The following BORA variants were observed in gnomAD, a reference collection of about 807,000 sequenced individuals.
The protein encoded by BORA is BORA aurora kinase A activator, also known as protein aurora borealis.
BORA carries 26 observed loss-of-function variants against 55.8 expected under a neutral mutation model. The observed-to-expected ratio is 0.47, with a 90% CI of 0.34 to 0.65. The LOEUF is 0.65. Among genes scored for constraint, BORA ranks in the 30% least tolerant of loss-of-function variants. The pLI, the probability that BORA is intolerant of heterozygous loss-of-function variation, is 0.01. For missense variants in BORA, 568 were observed against 671.5 expected, an observed-to-expected ratio of 0.85 and a Z score of 1.70; for synonymous variants, 201 against 216.9, an observed-to-expected ratio of 0.93 and a Z score of 0.64.
chr13:72,728,148 GA>G (rs779415008), intron 1 of BORA, 141 bp downstream of exon 1: 10 of 1,196,528 alleles, frequency 8.4e-6, no homozygotes, highest in Non-Finnish European at 1.2e-5. Flanking sequence ...AGGGGCACCA[GA>G]AAGAGTGGCC....
intron 3 of BORA, among the ~76,000 whole-genome samples, chr13:72,733,971 C>T (rs569509077): frequency 8.3e-4 from 126 of 152,218 alleles, no homozygotes; most frequent in African/African-American, 2.7e-3. Flanking sequence ...AACCAAACCC[C>T]TCATGTTCTC....
chr13:72,740,720 ATGAATG>A (rs990572917), intron 5 of BORA, among the ~76,000 whole-genome samples: 4 of 152,308 alleles, frequency 2.6e-5, no homozygotes, highest in Admixed American at 1.3e-4. Flanking sequence ...CAATATGTAA[ATGAATG>A]TGAGTGTGTA....
chr13:72,733,628 G>A (rs1023524609), intron 3 of BORA, among the ~76,000 whole-genome samples: 3 of 152,122 alleles, frequency 2.0e-5, no homozygotes, highest in Non-Finnish European at 4.4e-5. Context: ...AGCTTGTTAT[G>A]TGCTGCCATT....
intron 4 of BORA, among the ~76,000 whole-genome samples, chr13:72,735,635 G>C (rs751932747): frequency 6.6e-6 from 1 of 151,970 alleles, no homozygotes; most frequent in Non-Finnish European, 1.5e-5. Flanking sequence ...TTGAGACGGC[G>C]TTTCGTTCTT....
chr13:72,752,095 A>G (rs1471457953), intron 10 of BORA: 3 of 152,188 alleles, frequency 2.0e-5, no homozygotes, highest in Non-Finnish European at 4.4e-5. Context: ...GTGCATGTTA[A>G]ATGACTGACA....
At chr13:72,750,290 G>A (rs2033239575) in intron 10 of BORA, among the ~76,000 whole-genome samples, 1 of 152,172 alleles carries the variant, frequency 6.6e-6, no homozygotes, top group African/African-American at 2.4e-5. Flanking sequence ...GGGGCTAATG[G>A]ACTAATAAGA....
chr13:72,753,712 A>T lies in BORA; in HGVS notation c.1505A>T (p.Gln502Leu), dbSNP rs1480754751. Residue 502 changes from glutamine to leucine, a missense_variant, in exon 11 of 12, where the codon CAG becomes CTG. Physicochemically the swap from Gln to Leu is moderately radical, Grantham distance 113. Transcript: ENST00000390667. ...CAGATGGATAGTGGCTATAATACGC[A>T]GAATTGTGGAAGCAATATTATGGAT... ...NIQMDSGYNT[Q>L]NCGSNIMDTV... 1.9e-6 allele frequency: 3 copies of T among 1,613,086 alleles called. No homozygotes were observed. Among genetic ancestry groups the T allele is most frequent in the Non-Finnish European group, 2.5e-6 (3 of 1,179,620 alleles).
In BORA at chr13:72,727,966, C is replaced by G. The variant is rs768051457; in HGVS notation, c.-57C>G. The G allele has an allele frequency of 6.4e-7, 1 of 1,550,614 alleles. No individual in the cohort carries two copies. The highest frequency in any genetic ancestry group is 1.2e-5 in the South Asian group (1 of 84,066). The stretch of plus-strand genomic sequence containing the variant: ...GTGGAAGCTGGCCTGGCCCCCGGAG[C>G]TCCCTGGAGTCGGTACTGGGGGCTT... On this transcript the variant is annotated 5_prime_UTR_variant, in exon 1 of 12. Coordinates refer to ENST00000390667, the MANE Select transcript of BORA (RefSeq NM_024808.5).
chr13:72,728,800 T>C (rs2032744203), intron 1 of BORA, 126 bp from the exon 2 acceptor site: 3 of 757,706 alleles, frequency 4.0e-6, no homozygotes, highest in Admixed American at 7.0e-5. Flanking sequence ...AGCTGTATCA[T>C]AGCCCCAAGA....
At chr13:72,744,406 G>A (rs1351966870) in intron 6 of BORA, 99 bp from the exon 7 acceptor site, 2 of 951,970 alleles carry the variant, frequency 2.1e-6, no homozygotes, top group Non-Finnish European at 1.6e-6. Context: ...AACATCACGG[G>A]GAGATGATTG....
chr13:72,743,322 C>G (rs546076729), intron 5 of BORA, among the ~76,000 whole-genome samples: 137 of 152,134 alleles, frequency 9.0e-4, no homozygotes, highest in African/African-American at 3.2e-3. Flanking sequence ...TTGGTGACTC[C>G]TTATTTGCTG....
rs1566225641 is a variant in BORA at position 72,745,012 on chromosome 13, T to A, written c.543T>A (p.Asp181Glu). 2.5e-6 allele frequency: 4 copies of A among 1,614,048 alleles called. 1 individual carries two copies. The highest frequency in any genetic ancestry group is 3.4e-6 in the Non-Finnish European group (4 of 1,179,946). The change falls in exon 8 of 12, where the codon GAT becomes GAA. Residue 181 changes from aspartate to glutamate, a missense_variant. Transcript: ENST00000390667. ...GDYFRADEFA[D>E]QSPGNLSSSS... ...ATTTTAGAGCTGATGAATTTGCAGATCAATCTCCTGGAAACCTCAGTTCTT... is the reference window on the plus strand; with the variant it reads ...ATTTTAGAGCTGATGAATTTGCAGAACAATCTCCTGGAAACCTCAGTTCTT...
At chr13:72,744,471 G>A (rs1481191021) in intron 6 of BORA, 34 bp from the exon 7 acceptor site, 1 of 1,574,136 alleles carries the variant, frequency 6.4e-7, no homozygotes, top group Non-Finnish European at 8.7e-7. Context: ...TTTATCCCAT[G>A]TTTGAATTTG....
intron 3 of BORA, among the ~76,000 whole-genome samples, chr13:72,733,439 C>T (rs2032859246): frequency 6.6e-6 from 1 of 152,210 alleles, no homozygotes; most frequent in African/African-American, 2.4e-5. Context: ...TCAGGATGCT[C>T]TCCCCTGTAT....
In BORA at chr13:72,728,693, C is replaced by T. The variant is rs1363274629; in HGVS notation, c.-15-233C>T. Among the ~76,000 whole-genome samples, 7 of 152,130 alleles carry T rather than the reference C, an allele frequency of 4.6e-5. No homozygotes were observed. In the East Asian group the frequency reaches 1.2e-3, roughly 25 times the overall value. ...CCACTTCACTTCTCTGAGCTTAATA[C>T]TTTCGCAAAATAATATCACTAGTAA... On this transcript the variant is annotated intron_variant, in intron 1 of 11. Coordinates refer to ENST00000390667, the MANE Select transcript of BORA (RefSeq NM_024808.5).
In BORA at chr13:72,727,956, G is replaced by T. The variant is rs752435806; in HGVS notation, c.-67G>T. ...TATGCCTGTCGTGGAAGCTGGCCTG[G>T]CCCCCGGAGCTCCCTGGAGTCGGTA... is the stretch of plus-strand genomic sequence containing the variant. On this transcript the variant is annotated 5_prime_UTR_variant, in exon 1 of 12. Coordinates refer to ENST00000390667, the MANE Select transcript of BORA (RefSeq NM_024808.5). The T allele has an allele frequency of 1.9e-6, 3 of 1,550,602 alleles. No individual in the cohort carries two copies. The highest frequency in any genetic ancestry group is 4.9e-5 in the East Asian group (2 of 40,908).
chr13:72,753,958 C>G, intron 11 of BORA, 137 bp downstream of exon 11: 2 of 872,486 alleles, frequency 2.3e-6, no homozygotes, highest in South Asian at 4.0e-5. Flanking sequence ...TTCTTAACAT[C>G]CAATAACCTT....
intron 1 of BORA, 175 bp downstream of exon 1, chr13:72,728,182 T>G: frequency 1.2e-6 from 1 of 844,904 alleles, no homozygotes. Flanking sequence ...GGGCGACGCC[T>G]CCTTCGCACT....
intron 2 of BORA, among the ~76,000 whole-genome samples, chr13:72,730,579 T>G (rs975813657): frequency 1.3e-5 from 2 of 152,204 alleles, no homozygotes; most frequent in African/African-American, 4.8e-5. Flanking sequence ...ACTAAGGACT[T>G]TAATTTCAGT....
Sources: allele counts gnomAD v4.1 joint callset (sites outside exome capture counted in the v4.1 genomes callset), GRCh38; gene constraint gnomAD v4.1.1; transcripts MANE v1.5; gene names NCBI Gene and HGNC (gene_info 2026-07-23, HGNC 2026-07-21).